The following PLEKHG1 variants were observed in gnomAD, a reference collection of about 807,000 sequenced individuals.
PLEKHG1 encodes the protein pleckstrin homology and RhoGEF domain containing G1.
Under a neutral mutation model 100.8 loss-of-function variants are expected in PLEKHG1, and 44 were observed. The ratio of observed to expected loss-of-function variants is 0.44; its 90% CI spans 0.34 to 0.56. The LOEUF (loss-of-function observed/expected upper bound fraction) is 0.56. Among genes scored for constraint, PLEKHG1 ranks in the 20% least tolerant of loss-of-function variants. PLEKHG1 has a pLI of 0.01. For synonymous variants in PLEKHG1, 640 were observed against 662.5 expected (o/e 0.97, Z 0.52); for missense variants, 1,545 against 1,720.9 (o/e 0.90, Z 1.81).
chr6:150,802,472 G>A, intron 6 of PLEKHG1, among the ~76,000 whole-genome samples: 1 of 123,854 alleles, frequency 8.1e-6, no homozygotes, highest in South Asian at 2.5e-4. Flanking sequence ...TCTCGGTTAA[G>A]CATATGAAAC....
At chr6:150,820,202 C>CTT (rs1765109236) in intron 12 of PLEKHG1, among the ~76,000 whole-genome samples, 1 of 151,380 alleles carries the variant, frequency 6.6e-6, no homozygotes, top group Non-Finnish European at 1.5e-5. Context: ...GAGTGAGACT[C>CTT]TGTCTAAAAA....
intron 4 of PLEKHG1, among the ~76,000 whole-genome samples, chr6:150,789,345 A>G (rs758754945): frequency 7.9e-5 from 12 of 152,216 alleles, no homozygotes; most frequent in Admixed American, 3.9e-4. Context: ...GGGGTGGCAT[A>G]TTTAATAACT....
At chr6:150,750,637 C>T (rs1306583400) in intron 2 of PLEKHG1, among the ~76,000 whole-genome samples, 4 of 151,070 alleles carry the variant, frequency 2.6e-5, no homozygotes, top group Admixed American at 6.6e-5. Flanking sequence ...AAAAATTAGC[C>T]GGGCGTAGTG....
intron 2 of PLEKHG1, among the ~76,000 whole-genome samples, chr6:150,754,496 T>C (rs923159139): frequency 6.6e-6 from 1 of 152,060 alleles, no homozygotes; most frequent in Non-Finnish European, 1.5e-5. Context: ...AGGATGTCCT[T>C]GCAGTAGTCC....
exon 1 of PLEKHG1, chr6:150,599,944 G>C (rs1167933414): frequency 1.5e-5 from 3 of 200,488 alleles, no homozygotes; most frequent in African/African-American, 4.8e-5. Context: ...AGCCCGAGCC[G>C]GCGCAGCGCA....
At chr6:150,698,405 A>G (rs1408311974) in intron 3 of PLEKHG1, among the ~76,000 whole-genome samples, 1 of 152,156 alleles carries the variant, frequency 6.6e-6, no homozygotes, top group Non-Finnish European at 1.5e-5. Context: ...ACCAATGTTG[A>G]TCACGTTATG....
chr6:150,778,743 A>G (rs1785128467), intron 3 of PLEKHG1, among the ~76,000 whole-genome samples: 1 of 152,220 alleles, frequency 6.6e-6, no homozygotes, highest in African/African-American at 2.4e-5. Flanking sequence ...TTGAATAGCA[A>G]GCAGACAAAG....
At chr6:150,616,908 A>G (rs1373170629) in intron 1 of PLEKHG1, among the ~76,000 whole-genome samples, 2 of 152,254 alleles carry the variant, frequency 1.3e-5, no homozygotes, top group Non-Finnish European at 2.9e-5. Flanking sequence ...ATCTATAAAA[A>G]TCACTGGTAA....
chr6:150,601,006 C>T (rs1258747584), intron 1 of PLEKHG1: 1 of 152,218 alleles, frequency 6.6e-6, no homozygotes, highest in East Asian at 1.9e-4. Context: ...AGGTATCACC[C>T]CGCGAGGACC....
intron 3 of PLEKHG1, among the ~76,000 whole-genome samples, chr6:150,705,580 G>T (rs1305087670): frequency 6.6e-6 from 1 of 152,216 alleles, no homozygotes; most frequent in Non-Finnish European, 1.5e-5. Context: ...TGCAAACTAA[G>T]CATGTTACTA....
At chr6:150,784,175 G>A (rs1334056641) in intron 3 of PLEKHG1, among the ~76,000 whole-genome samples, 1 of 152,196 alleles carries the variant, frequency 6.6e-6, no homozygotes, top group Non-Finnish European at 1.5e-5. Context: ...CTGCTATCCA[G>A]ATCATTTCCC....
intron 3 of PLEKHG1, among the ~76,000 whole-genome samples, chr6:150,770,100 G>A (rs771595289): frequency 6.6e-5 from 10 of 152,130 alleles, no homozygotes; most frequent in South Asian, 2.1e-4. Flanking sequence ...CTAAAGTGCC[G>A]GCACAGAGGA....
At chr6:150,676,347 A>G (rs796137200) in intron 3 of PLEKHG1, among the ~76,000 whole-genome samples, 21 of 152,364 alleles carry the variant, frequency 1.4e-4, no homozygotes, top group South Asian at 2.1e-4. Flanking sequence ...CAAATCTGAA[A>G]ATAACACTCA....
At chr6:150,776,225 C>G (rs1784953629) in intron 3 of PLEKHG1, among the ~76,000 whole-genome samples, 1 of 152,150 alleles carries the variant, frequency 6.6e-6, no homozygotes, top group Non-Finnish European at 1.5e-5. Flanking sequence ...CCGTCCTACT[C>G]AAAAAGAAGA....
chr6:150,633,052 G>A (rs1777826835), intron 1 of PLEKHG1: 1 of 152,238 alleles, frequency 6.6e-6, no homozygotes, highest in African/African-American at 2.4e-5. Context: ...TAAGCTGAAA[G>A]CACACTTTAC....
chr6:150,631,997 T>C (rs776856350), intron 1 of PLEKHG1, among the ~76,000 whole-genome samples: 1 of 152,216 alleles, frequency 6.6e-6, no homozygotes, highest in Non-Finnish European at 1.5e-5. Flanking sequence ...CTTTCTGGCC[T>C]TCTGAGAGAA....
chr6:150,769,734 G>A (rs529568374), intron 3 of PLEKHG1, among the ~76,000 whole-genome samples: 1 of 152,212 alleles, frequency 6.6e-6, no homozygotes, highest in East Asian at 1.9e-4. Context: ...TAAATGGAAT[G>A]AAACTAACTA....
intron 1 of PLEKHG1, among the ~76,000 whole-genome samples, chr6:150,733,341 C>A (rs1426757416): frequency 1.3e-5 from 2 of 152,132 alleles, no homozygotes; most frequent in Non-Finnish European, 2.9e-5. Context: ...TATTAAAGTG[C>A]ACACTCAAGT....
Position 150,689,585 on chromosome 6 carries a change from G to A in PLEKHG1, c.-99+38799G>A, listed in dbSNP as rs1171355492. Among the ~76,000 whole-genome samples the A allele has an allele frequency of 3.3e-5, 5 of 152,168 alleles. No homozygotes were observed. In the East Asian group the frequency reaches 7.7e-4, roughly 23 times the overall value. ...ATGTTTCAGAAAACAGATTTTGGCC[G>A]GGCATGGTGGCTCATGCCTGTAATT... On this transcript the variant is annotated intron_variant, in intron 3 of 3. Coordinates refer to the PLEKHG1 transcript ENST00000367326.
Sources: allele counts gnomAD v4.1 joint callset (sites outside exome capture counted in the v4.1 genomes callset), GRCh38; gene constraint gnomAD v4.1.1; transcripts MANE v1.5; gene names NCBI Gene and HGNC (gene_info 2026-07-23, HGNC 2026-07-21).